MATN2: variants seen among roughly 807,000 people sequenced by gnomAD.
The protein encoded by MATN2 is matrilin-2.
A neutral mutation model predicts 103.2 loss-of-function variants in MATN2; 69 were observed. The observed-to-expected ratio is 0.67, with a 90% confidence interval of 0.55 to 0.82. The LOEUF (loss-of-function observed/expected upper bound fraction) is 0.82. Ranked by LOEUF, MATN2 falls within the 40% of genes least tolerant of loss-of-function variation. MATN2 has a pLI of 0.00. For missense variants in MATN2, 1,023 were observed against 1,211.5 expected, an observed-to-expected ratio of 0.84 and a Z score of 2.31; for synonymous variants, 429 against 450.2, an observed-to-expected ratio of 0.95 and a Z score of 0.60.
At chr8:97,988,189 T>TATATATACACACAC (rs71570279) in intron 6 of MATN2, among the ~76,000 whole-genome samples, 7 of 54,946 alleles carry the variant, frequency 1.3e-4, no homozygotes, top group South Asian at 4.3e-4. Flanking sequence ...TATATATATA[T>TATATATACACACAC]ACACACACAC....
At chr8:97,957,931 G>A (rs1431920376) in intron 4 of MATN2, among the ~76,000 whole-genome samples, 1 of 152,160 alleles carries the variant, frequency 6.6e-6, no homozygotes, top group African/African-American at 2.4e-5. Context: ...TGCTGCTTCT[G>A]TAGATGGGAG....
intron 4 of MATN2, among the ~76,000 whole-genome samples, chr8:97,948,753 C>A (rs1355616750): frequency 6.6e-6 from 1 of 152,122 alleles, no homozygotes; most frequent in Non-Finnish European, 1.5e-5. Flanking sequence ...AGAGCAGACA[C>A]TATTAAATAC....
intron 1 of MATN2, among the ~76,000 whole-genome samples, chr8:97,874,275 T>C (rs1817990768): frequency 6.6e-6 from 1 of 152,168 alleles, no homozygotes; most frequent in Non-Finnish European, 1.5e-5. Flanking sequence ...TCCCCTGCCT[T>C]TTCCAACTTC....
intron 6 of MATN2, among the ~76,000 whole-genome samples, chr8:97,988,152 C>CAAAAAAA (rs869146483): frequency 1.7e-4 from 11 of 65,862 alleles, no homozygotes; most frequent in East Asian, 3.9e-4. Flanking sequence ...CCATCTCCAC[C>CAAAAAAA]AAAAAAAAAA....
chr8:97,978,063 G>C (rs1238228504), intron 5 of MATN2, among the ~76,000 whole-genome samples: 1 of 152,064 alleles, frequency 6.6e-6, no homozygotes, highest in African/African-American at 2.4e-5. Flanking sequence ...CTTCTTATCT[G>C]CTCCCCACTC....
At chr8:97,938,354 A>T (rs1810448737) in intron 3 of MATN2, among the ~76,000 whole-genome samples, 1 of 152,368 alleles carries the variant, frequency 6.6e-6, no homozygotes, top group South Asian at 2.1e-4. Flanking sequence ...TTGAAGTTTG[A>T]TAACACCAAG....
Position 98,007,169 on chromosome 8 carries a change from C to G in MATN2, c.1392C>G (p.Ser464=). Residue 464 remains serine (S), a synonymous_variant, in exon 9 of 19, where the codon TCC becomes TCG. Coordinates refer to ENST00000254898, the MANE Select transcript of MATN2 (RefSeq NM_002380.5). This position sits in a 1 kb window ranked among gnomAD's most constrained non-coding sequence, Gnocchi z 4.2. Reference sequence around the variant, plus strand: ...AGCTGTGTCTGAACACGGAGGATTCCTTCGTCTGCCAGTGCTCAGAAGGCT... The same window carrying G: ...AGCTGTGTCTGAACACGGAGGATTCGTTCGTCTGCCAGTGCTCAGAAGGCT... ...CEQLCLNTED[S]FVCQCSEGFL... The G allele has an allele frequency of 5.0e-6, 8 of 1,613,818 alleles. No individual in the cohort carries two copies. Among genetic ancestry groups the G allele is most frequent in the Non-Finnish European group, 6.8e-6 (8 of 1,179,844 alleles).
intron 10 of MATN2, among the ~76,000 whole-genome samples, chr8:98,014,626 A>C (rs1412866221): frequency 6.6e-6 from 1 of 152,230 alleles, no homozygotes; most frequent in Non-Finnish European, 1.5e-5. Flanking sequence ...GTATAGTCAG[A>C]AAATACGGGG....
intron 2 of MATN2, among the ~76,000 whole-genome samples, chr8:97,927,096 G>C (rs1221396292): frequency 6.6e-6 from 1 of 151,898 alleles, no homozygotes; most frequent in Non-Finnish European, 1.5e-5. Flanking sequence ...CTGGGGTTGT[G>C]GTGCACTGGT....
rs1034844307 is a variant in MATN2 at position 97,982,528 on chromosome 8, C to T, written c.1081+3520C>T. 3.9e-5 allele frequency among the ~76,000 whole-genome samples: 6 copies of T among 152,054 alleles called. No homozygotes were observed. Among genetic ancestry groups the T allele is most frequent in the Admixed American group, 1.3e-4 (2 of 15,272 alleles). On this transcript the variant is annotated intron_variant, in intron 6 of 18. Coordinates refer to ENST00000254898, the MANE Select transcript of MATN2 (RefSeq NM_002380.5). The surrounding 1 kb of genome is among the most constrained non-coding windows in gnomAD (Gnocchi z 4.3). ...TTTTAACCAAAAGTATATTTGAAAG[C>T]GAATACAATTAGTAAGTGTGCAACT...
intron 1 of MATN2, among the ~76,000 whole-genome samples, chr8:97,885,990 T>A (rs1818413611): frequency 6.6e-6 from 1 of 152,162 alleles, no homozygotes; most frequent in East Asian, 1.9e-4. Flanking sequence ...TCGCCTGTGT[T>A]ACCACCTGAG....
At chr8:97,915,569 AG>A (rs2130087564) in intron 2 of MATN2, among the ~76,000 whole-genome samples, 1 of 152,182 alleles carries the variant, frequency 6.6e-6, no homozygotes, top group South Asian at 2.1e-4. Context: ...TCCTCCTTCC[AG>A]GGAAAGGCCC....
At chr8:97,978,593 AG>A (rs775642593) in intron 5 of MATN2, among the ~76,000 whole-genome samples, 7 of 152,326 alleles carry the variant, frequency 4.6e-5, no homozygotes, top group Non-Finnish European at 1.0e-4. Context: ...CCAGTTTACT[AG>A]GTGTAAGTGC....
chr8:97,945,717 A>AAAT (rs59472539), intron 4 of MATN2, among the ~76,000 whole-genome samples: 2,317 of 121,766 alleles, frequency 0.019, 67 homozygotes, highest in African/African-American at 0.06. Flanking sequence ...AAAAAAAAAA[A>AAAT]ATATATATAT....
intron 18 of MATN2, 200 bp downstream of exon 18, chr8:98,033,859 A>C: frequency 1.8e-6 from 1 of 554,060 alleles, no homozygotes; most frequent in African/African-American, 1.9e-5. Context: ...TATTAGCAGC[A>C]GTCAAGCACT....
At chr8:97,949,757 T>C (rs1810882690) in intron 4 of MATN2, among the ~76,000 whole-genome samples, 1 of 152,220 alleles carries the variant, frequency 6.6e-6, no homozygotes, top group Non-Finnish European at 1.5e-5. Context: ...AACTCACATG[T>C]TGATTAACAG....
At chr8:97,919,520 C>T (rs1809741775) in intron 2 of MATN2, among the ~76,000 whole-genome samples, 2 of 152,194 alleles carry the variant, frequency 1.3e-5, no homozygotes, top group African/African-American at 4.8e-5. Context: ...GCATGAGCCA[C>T]GATGCCCAGC....
At chr8:97,936,187 C>T (rs1056674536) in intron 3 of MATN2, among the ~76,000 whole-genome samples, 2 of 152,106 alleles carry the variant, frequency 1.3e-5, no homozygotes, top group African/African-American at 4.8e-5. Context: ...TTTTTGCCAC[C>T]CAGTAAGAGA....
At chr8:98,004,478 A>G (rs1026169179) in intron 8 of MATN2, among the ~76,000 whole-genome samples, 1 of 152,354 alleles carries the variant, frequency 6.6e-6, no homozygotes, top group East Asian at 1.9e-4. Flanking sequence ...TAACTTCTCC[A>G]TGCTTTGATT....
Sources: gnomAD v4.1 joint callset for allele counts (sites outside exome capture counted in the v4.1 genomes callset) on GRCh38, gnomAD v4.1.1 for gene constraint, Gnocchi (gnomAD v3.1) non-coding constraint, MANE v1.5 for transcripts, NCBI Gene and HGNC (gene_info 2026-07-23, HGNC 2026-07-21) for gene names.